KDM5A: variants seen among roughly 807,000 people sequenced by gnomAD.
KDM5A encodes the protein lysine-specific demethylase 5A.
In KDM5A, 42 loss-of-function variants were observed where a neutral mutation model predicts 193.5. The observed-to-expected ratio is 0.22, with a 90% CI of 0.17 to 0.28. The LOEUF is 0.28. KDM5A is among the 10% of genes least tolerant of loss of function. The pLI is 1.00. For synonymous variants in KDM5A, 796 were observed against 718.1 expected, an observed-to-expected ratio of 1.11 and a Z score of -1.73; for missense variants, 1,692 against 2,055.1, an observed-to-expected ratio of 0.82 and a Z score of 3.42.
intron 24 of KDM5A, among the ~76,000 whole-genome samples, chr12:303,696 C>A (rs900529215): frequency 6.6e-6 from 1 of 152,278 alleles, no homozygotes; most frequent in East Asian, 1.9e-4. Context: ...CTATAGTCTA[C>A]AACCTATAAT....
In KDM5A at chr12:373,243, G is replaced by A. The variant is rs574676114; in HGVS notation, c.367-7139C>T. On this transcript the variant is annotated intron_variant, in intron 3 of 27. Coordinates refer to ENST00000399788, the MANE Select transcript of KDM5A (RefSeq NM_001042603.3). Reference sequence around the variant, plus strand: ...GTCCTGGACTGTTTTTGGTTGGTAGGCTATTAATTATTGCCTCAATTTCAG... The same window carrying A: ...GTCCTGGACTGTTTTTGGTTGGTAGACTATTAATTATTGCCTCAATTTCAG... Among the ~76,000 whole-genome samples, 226 of 152,240 alleles carry A rather than the reference G, an allele frequency of 1.5e-3. 1 individual carries two copies. The highest frequency in any genetic ancestry group is 1.2e-3 in the Non-Finnish European group (81 of 68,012).
chr12:327,275 T>C (rs1257301302), intron 14 of KDM5A, among the ~76,000 whole-genome samples: 1 of 152,180 alleles, frequency 6.6e-6, no homozygotes, highest in African/African-American at 2.4e-5. Context: ...AAATCTGAAA[T>C]ACTGAGGACA....
At chr12:333,417 T>C in intron 12 of KDM5A, 70 bp downstream of exon 12, 2 of 1,558,012 alleles carry the variant, frequency 1.3e-6, no homozygotes, top group Non-Finnish European at 1.8e-6. Flanking sequence ...AGACCCTGTT[T>C]CAAAAAAAAA....
intron 3 of KDM5A, among the ~76,000 whole-genome samples, chr12:383,124 G>A (rs1203628437): frequency 6.6e-6 from 1 of 151,942 alleles, no homozygotes; most frequent in Non-Finnish European, 1.5e-5. Context: ...GCCTCAGTCA[G>A]CCATTAACAC....
In KDM5A at chr12:307,404, A is replaced by C. The variant is rs758791156; in HGVS notation, c.3930+50T>G. ...AAGACAGACTCAATTTACTATTTAT[A>C]CACTGACATATCCCATGAAATAGAA... On this transcript the variant is annotated intron_variant, in intron 23 of 27. Transcript: ENST00000399788. The surrounding 1 kb of genome is among the most constrained non-coding windows in gnomAD (Gnocchi z 4.3). The C allele has an allele frequency of 1.2e-5, 19 of 1,548,470 alleles. No individual in the cohort carries two copies. The highest frequency in any genetic ancestry group is 1.7e-5 in the Non-Finnish European group (19 of 1,122,256).
At chr12:354,558 G>A (rs919597344) in intron 7 of KDM5A, among the ~76,000 whole-genome samples, 15 of 152,170 alleles carry the variant, frequency 9.9e-5, no homozygotes, top group Non-Finnish European at 1.8e-4. Context: ...ACGAGGTCAG[G>A]AGATTGAGAC....
Position 283,759 on chromosome 12 carries a change from T to A in KDM5A, c.*1697A>T, listed in dbSNP as rs1288362948. The A allele has an allele frequency of 4.3e-6, 1 of 232,698 alleles. No individual in the cohort carries two copies. Among genetic ancestry groups the A allele is most frequent in the African/African-American group, 2.2e-5 (1 of 45,272 alleles). The allele number at this position is 232,698 out of a possible 1,614,324, so 14.4% of individuals were successfully genotyped here. ...ATTTAAGTCAAACCACAGATTTTTT[T>A]AAACCAAAATAAAGACACCAGACAG... On this transcript the variant is annotated 3_prime_UTR_variant, in exon 28 of 28. Transcript: ENST00000399788.
chr12:317,046 AG>A (rs1429271605), intron 19 of KDM5A, among the ~76,000 whole-genome samples: 1 of 152,174 alleles, frequency 6.6e-6, no homozygotes, highest in Non-Finnish European at 1.5e-5. Flanking sequence ...TGCTTTCACA[AG>A]GACCACCGTT....
At chr12:346,988 AGATGACAT>A (rs1021638561) in intron 10 of KDM5A, among the ~76,000 whole-genome samples, 1 of 152,244 alleles carries the variant, frequency 6.6e-6, no homozygotes, top group Non-Finnish European at 1.5e-5. Flanking sequence ...CCCTGTTTGC[AGATGACAT>A]GACTGTATAT....
At chr12:336,605 C>T (rs1206629533) in intron 10 of KDM5A, among the ~76,000 whole-genome samples, 1 of 151,976 alleles carries the variant, frequency 6.6e-6, no homozygotes, top group East Asian at 1.9e-4. Flanking sequence ...CACTGGGAGG[C>T]CGAAGCTGGT....
chr12:366,422 C>A (rs189536696), intron 3 of KDM5A, among the ~76,000 whole-genome samples: 2 of 151,798 alleles, frequency 1.3e-5, no homozygotes, highest in East Asian at 3.9e-4. Flanking sequence ...AAGGAACTCA[C>A]AATATGAAAT....
chr12:311,728 A>C lies in KDM5A; in HGVS notation c.3037-664T>G, dbSNP rs12579316. Among the ~76,000 whole-genome samples the C allele has an allele frequency of 8.0e-4, 122 of 151,976 alleles. 3 individuals are homozygous for C. In the East Asian group the frequency reaches 0.013, roughly 16 times the overall value. On this transcript the variant is annotated intron_variant, in intron 20 of 27. Transcript: ENST00000399788. ...AGGTCCCAGAAAAACTCAACAGAAA[A>C]GAAAGTAAAAGAGAAGACACCCAGG...
In KDM5A at chr12:280,400, G is replaced by C. The variant is rs1943143392; in HGVS notation, c.*5056C>G. On this transcript the variant is annotated 3_prime_UTR_variant, in exon 28 of 28. Transcript: ENST00000399788. ...CTTGCCACCTTAAGAAACTTCAAGT[G>C]TATCTTTTTGTTGGCAAGAAAATTA... The C allele has an allele frequency of 4.3e-6, 1 of 232,710 alleles. No homozygotes were observed. The highest frequency in any genetic ancestry group is 8.5e-6 in the Non-Finnish European group (1 of 117,914). 14.4% of individuals were successfully genotyped at this position (232,710 alleles called of 1,614,324 possible). A position where few individuals can be genotyped will look rare whatever the true frequency, so the allele number is the denominator to read the frequency against.
At chr12:352,160 A>C (rs768201789) in intron 9 of KDM5A, 45 bp downstream of exon 9, 1 of 1,505,386 alleles carries the variant, frequency 6.6e-7, no homozygotes, top group South Asian at 1.1e-5. Flanking sequence ...TACTCAGGTA[A>C]ATCTTTGTAC....
Position 341,608 on chromosome 12 carries a change from T to G in KDM5A, c.1309-7186A>C, listed in dbSNP as rs144803690. Among the ~76,000 whole-genome samples the G allele has an allele frequency of 2.0e-3, 309 of 152,050 alleles. 1 individual carries two copies. The highest frequency in any genetic ancestry group is 3.7e-3 in the Non-Finnish European group (252 of 67,948). ...AATAGCTAACACCAAAAGGCCATAA[T>G]AGAGAAATGGAGGCTGGGTGTGGTG... On this transcript the variant is annotated intron_variant, in intron 10 of 27. Transcript: ENST00000399788.
intron 1 of KDM5A, chr12:388,607 G>A (rs1215995763): frequency 1.6e-5 from 7 of 430,596 alleles, no homozygotes; most frequent in African/African-American, 1.0e-4. Context: ...GATACGTGAG[G>A]GAAGAATACG....
In KDM5A at chr12:306,877, T is replaced by C. The variant is rs1396994753; in HGVS notation, c.4074+69A>G. ...TCAGGCCTCAAACATCACTGTTCAA[T>C]AGCTTTTTTTTTTTTTAAACAAACC... On this transcript the variant is annotated intron_variant, in intron 24 of 27. Transcript: ENST00000399788. 6.2e-6 allele frequency: 9 copies of C among 1,453,468 alleles called. No homozygotes were observed. The East Asian group carries it at 6.9e-5, about 11-fold the overall frequency. The allele number at this position is 1,453,468 out of a possible 1,614,324, so 90.0% of individuals were successfully genotyped here. A position where few individuals can be genotyped will look rare whatever the true frequency, so the allele number is the denominator to read the frequency against.
At chr12:363,659 A>T (rs1944318694) in intron 4 of KDM5A, among the ~76,000 whole-genome samples, 1 of 152,216 alleles carries the variant, frequency 6.6e-6, no homozygotes, top group Non-Finnish European at 1.5e-5. Flanking sequence ...AAAATATAAA[A>T]GCCGAAATTG....
intron 27 of KDM5A, among the ~76,000 whole-genome samples, chr12:289,905 TTC>T (rs1194705859): frequency 4.3e-5 from 6 of 138,320 alleles, no homozygotes; most frequent in African/African-American, 1.7e-4. Context: ...TTTTCTTTCT[TTC>T]TTTTTTTTTT....
Sources: allele counts gnomAD v4.1 joint callset (sites outside exome capture counted in the v4.1 genomes callset), GRCh38; gene constraint gnomAD v4.1.1; non-coding constraint Gnocchi (gnomAD v3.1); transcripts MANE v1.5; gene names NCBI Gene and HGNC (gene_info 2026-07-23, HGNC 2026-07-21).